Variants in PPM1F observed in about 807,000 individuals in gnomAD.
PPM1F encodes the protein protein phosphatase, Mg2+/Mn2+ dependent 1F, also known as protein phosphatase 1F.
PPM1F carries 17 observed loss-of-function variants against 35.5 expected under a neutral mutation model. The observed-to-expected ratio is 0.48, with a 90% CI of 0.33 to 0.72. The LOEUF is 0.72. Among genes scored for constraint, PPM1F ranks in the 30% least tolerant of loss-of-function variants. The probability of loss-of-function intolerance (pLI) is 0.02; values close to 1 mark genes in which losing one functional copy is unlikely to be tolerated. For missense variants in PPM1F, 521 were observed against 613.0 expected, an observed-to-expected ratio of 0.85 and a Z score of 1.59; for synonymous variants, 241 against 255.5, an observed-to-expected ratio of 0.94 and a Z score of 0.54.
intron 2 of PPM1F, chr22:21,942,807 A>G (rs911709533): frequency 3.3e-5 from 5 of 152,340 alleles, no homozygotes; most frequent in Non-Finnish European, 5.9e-5. Flanking sequence ...TCACTGCACC[A>G]TGCAGATCCA....
chr22:21,946,520 C>G (rs2070779085), intron 1 of PPM1F: 1 of 153,958 alleles, frequency 6.5e-6, no homozygotes, highest in African/African-American at 2.4e-5. Flanking sequence ...GGTCTGTGAG[C>G]CTGGACGTGG....
At position 21,939,768 on chromosome 22, in the gene PPM1F, A is replaced by C. The variant is rs1297467045; in HGVS notation, c.207-88T>G. On this transcript the variant is annotated intron_variant, in intron 2 of 7. Coordinates refer to ENST00000263212, the MANE Select transcript of PPM1F (RefSeq NM_014634.4). This position sits in a 1 kb window ranked among gnomAD's most constrained non-coding sequence, Gnocchi z 5.1. ...TCCCCAACTGTCAGCCCACATGCTG[A>C]GGGGTCACGGCCAGCAGGGCGGCCC... is the stretch of plus-strand genomic sequence containing the variant. 6.8e-7 allele frequency: 1 copy of C among 1,480,958 alleles called. No individual in the cohort carries two copies. The highest frequency in any genetic ancestry group is 2.5e-5 in the East Asian group (1 of 40,490). 91.7% of individuals were successfully genotyped at this position (1,480,958 alleles called of 1,614,324 possible).
chr22:21,926,264 T>A (rs1333021997), intron 6 of PPM1F, among the ~76,000 whole-genome samples: 1 of 151,894 alleles, frequency 6.6e-6, no homozygotes, highest in Non-Finnish European at 1.5e-5. Context: ...CCTGAGTAGC[T>A]GTGACTACAG....
chr22:21,951,016 CATAT>C (rs1338683704), intron 1 of PPM1F: 5 of 152,002 alleles, frequency 3.3e-5, no homozygotes, highest in East Asian at 1.9e-4. Context: ...TTTTTTTCTA[CATAT>C]ATAAATTTTT....
At chr22:21,945,559 CAG>C (rs2070768226) in intron 2 of PPM1F, 2 of 433,558 alleles carry the variant, frequency 4.6e-6, no homozygotes, top group African/African-American at 2.1e-5. Flanking sequence ...AACAGAAAGG[CAG>C]ACTCTTCCCT....
At chr22:21,945,724 A>T in intron 2 of PPM1F, 119 bp downstream of exon 2, 1 of 1,035,862 alleles carries the variant, frequency 9.7e-7, no homozygotes, top group South Asian at 1.6e-5. Flanking sequence ...CTGCATAGGG[A>T]TCCGGGGCTG....
At chr22:21,923,936 C>A (rs1475491610) in intron 7 of PPM1F, among the ~76,000 whole-genome samples, 1 of 151,730 alleles carries the variant, frequency 6.6e-6, no homozygotes, top group Non-Finnish European at 1.5e-5. Flanking sequence ...GATCTGCCCA[C>A]CTCAGCCTCC....
chr22:21,939,245 T>A lies in PPM1F; in HGVS notation c.355+287A>T. 1 of 430,970 alleles carries A rather than the reference T, an allele frequency of 2.3e-6. No homozygotes were observed. Among genetic ancestry groups the A allele is most frequent in the Non-Finnish European group, 4.2e-6 (1 of 237,496 alleles). 26.7% of individuals were successfully genotyped at this position (430,970 alleles called of 1,614,324 possible). On this transcript the variant is annotated intron_variant, in intron 3 of 7. Coordinates refer to ENST00000263212, the MANE Select transcript of PPM1F (RefSeq NM_014634.4). This position sits in a 1 kb window ranked among gnomAD's most constrained non-coding sequence, Gnocchi z 5.1. ...TGAAACGGGATAAGCATCTTTAATT[T>A]CCTGGGCTGTTCTGGAACTTCAGTC...
chr22:21,936,116 C>T (rs1041217609), intron 3 of PPM1F: 1 of 152,198 alleles, frequency 6.6e-6, no homozygotes, highest in South Asian at 2.1e-4. Context: ...TTACGGCGAT[C>T]TCCGATTACA....
At chr22:21,930,431 G>A (rs1004866591) in intron 6 of PPM1F, among the ~76,000 whole-genome samples, 5 of 152,190 alleles carry the variant, frequency 3.3e-5, no homozygotes, top group African/African-American at 4.8e-5. Flanking sequence ...TTTTAGCACC[G>A]AAAGACTGAA....
intron 2 of PPM1F, chr22:21,940,571 C>T (rs2145803795): frequency 6.6e-6 from 1 of 152,306 alleles, no homozygotes; most frequent in Non-Finnish European, 1.5e-5. Flanking sequence ...GGGGATGAAC[C>T]TACAAGCCAG....
chr22:21,919,462 G>A lies in PPM1F; in HGVS notation c.*3630C>T, dbSNP rs1000536118. ...GGTTTATTGACACTTCTGCATGGTG[G>A]GTCCTTGGGAGACTGCCTTTCTGGC... On this transcript the variant is annotated 3_prime_UTR_variant, in exon 8 of 8. Transcript: ENST00000263212. 6.6e-6 allele frequency: 1 copy of A among 152,576 alleles called. No individual in the cohort carries two copies. Among genetic ancestry groups the A allele is most frequent in the African/African-American group, 2.4e-5 (1 of 41,418 alleles). The allele number at this position is 152,576 out of a possible 1,614,324, so 9.5% of individuals were successfully genotyped here.
intron 5 of PPM1F, among the ~76,000 whole-genome samples, chr22:21,931,810 G>A (rs932191624): frequency 6.6e-6 from 1 of 150,820 alleles, no homozygotes; most frequent in East Asian, 2.0e-4. Context: ...GAGTCACTGC[G>A]CCTGGCTATT....
chr22:21,952,345 G>C (rs908111989), intron 1 of PPM1F: 22 of 152,288 alleles, frequency 1.4e-4, no homozygotes, highest in African/African-American at 5.3e-4. Context: ...GGCCCCTGAA[G>C]GTGCAGGGAC....
chr22:21,945,258 G>C (rs2070765359), intron 2 of PPM1F: 1 of 152,452 alleles, frequency 6.6e-6, no homozygotes, highest in Non-Finnish European at 1.5e-5. Flanking sequence ...CAGCATTTAG[G>C]GAGGCAAAAA....
At chr22:21,946,838 A>G (rs1367115831) in intron 1 of PPM1F, 1 of 152,314 alleles carries the variant, frequency 6.6e-6, no homozygotes, top group Non-Finnish European at 1.5e-5. Context: ...GAAGAGGGGC[A>G]CTGTGGACAG....
rs2070585253 is a variant in PPM1F at position 21,931,224 on chromosome 22, A to G, written c.815T>C (p.Leu272Pro). Residue 272 changes from leucine to proline, a missense_variant, in exon 6 of 8, where the codon CTC (leucine) becomes CCC (proline). Leu to Pro is a moderately conservative substitution (Grantham distance 98). Around this residue, in one of 3 missense-constraint regions of PPM1F, gnomAD observed 47 missense variants for 92.0 expected, o/e 0.51. Coordinates refer to ENST00000263212, the MANE Select transcript of PPM1F (RefSeq NM_014634.4). ...TACCAAAATGACCTGGGAATCCCCG[A>G]GCCAGGCGACGTGCAGGGTCGCTCC... ...IAGATLHVAW[L>P]GDSQVILVQQ... 2 of 1,613,984 alleles carry G rather than the reference A, an allele frequency of 1.2e-6. No individual in the cohort carries two copies. Among genetic ancestry groups the G allele is most frequent in the African/African-American group, 2.7e-5 (2 of 74,940 alleles).
Position 21,925,652 on chromosome 22 carries a change from G to T in PPM1F, c.902C>A (p.Ala301Glu), listed in dbSNP as rs769502731. ...AAAGCCACCCAATGCTTCAATGCGC[G>T]CCTTCTCATCCTGCAGAAACACAGC... The part of the protein sequence containing the change: ...PHRPERQDEK[A>E]RIEALGGFVS... Residue 301 changes from alanine to glutamate, a missense_variant, in exon 7 of 8, where the codon GCG (alanine) becomes GAG (glutamate). By Grantham distance (107) the Ala-to-Glu change is moderately radical. Around this residue, in one of 3 missense-constraint regions of PPM1F, gnomAD observed 47 missense variants for 92.0 expected, o/e 0.51. Coordinates refer to ENST00000263212, the MANE Select transcript of PPM1F (RefSeq NM_014634.4). The T allele has an allele frequency of 1.3e-6, 2 of 1,588,090 alleles. No individual in the cohort carries two copies. The highest frequency in any genetic ancestry group is 1.3e-5 in the African/African-American group (1 of 74,500).
intron 6 of PPM1F, among the ~76,000 whole-genome samples, chr22:21,927,948 T>TTTTTTTG (rs2070538863): frequency 1.7e-5 from 1 of 57,236 alleles, no homozygotes; most frequent in African/African-American, 5.3e-5. Context: ...TTTTGTTTTT[T>TTTTTTTG]TTTTTTTTTT....
Sources: gnomAD v4.1 joint callset for allele counts (sites outside exome capture counted in the v4.1 genomes callset) on GRCh38, gnomAD v4.1.1 for gene constraint, gnomAD v4.1.1 regional missense constraint, Gnocchi (gnomAD v3.1) non-coding constraint, MANE v1.5 for transcripts, NCBI Gene and HGNC (gene_info 2026-07-23, HGNC 2026-07-21) for gene names.